The following LINGO2 variants were observed in gnomAD, a reference collection of about 807,000 sequenced individuals.
The protein encoded by LINGO2 is leucine-rich repeat and immunoglobulin-like domain-containing nogo receptor-interacting protein 2.
LINGO2 carries 14 observed loss-of-function variants against 30.6 expected under a neutral mutation model. That is an observed-to-expected ratio of 0.46 (90% CI 0.30 to 0.72). The LOEUF (loss-of-function observed/expected upper bound fraction) is 0.72. Ranked by LOEUF, LINGO2 falls within the 30% of genes least tolerant of loss-of-function variation. The pLI is 0.07. For synonymous variants in LINGO2, 317 were observed against 288.5 expected (o/e 1.10, Z -1.00); for missense variants, 729 against 751.7 (o/e 0.97, Z 0.35).
rs117420250 is a variant in LINGO2 at position 28,185,620 on chromosome 9, C to T, written c.-87+109588G>A. 3.7e-3 allele frequency among the ~76,000 whole-genome samples: 557 copies of T among 152,252 alleles called. 4 individuals are homozygous for T. The highest frequency in any genetic ancestry group is 6.1e-3 in the Non-Finnish European group (412 of 67,998). On this transcript the variant is annotated intron_variant, in intron 4 of 5. Transcript: ENST00000379992. ...TTCACTATTTGTATTCTTTAGAAAA[C>T]TGAAACACAATTGTAGAAATAGGAC...
At chr9:28,135,434 A>G (rs560166043) in intron 4 of LINGO2, among the ~76,000 whole-genome samples, 1 of 152,238 alleles carries the variant, frequency 6.6e-6, no homozygotes, top group East Asian at 1.9e-4. Flanking sequence ...ACTGACTCAG[A>G]CAACAGAAAT....
chr9:28,652,594 C>A (rs1473148087), intron 1 of LINGO2, among the ~76,000 whole-genome samples: 2 of 151,822 alleles, frequency 1.3e-5, no homozygotes, highest in Admixed American at 6.6e-5. Context: ...CAAAACCATA[C>A]CTTGTTGCTT....
chr9:28,288,098 C>T (rs971386879), intron 4 of LINGO2, among the ~76,000 whole-genome samples: 6 of 152,084 alleles, frequency 3.9e-5, no homozygotes, highest in African/African-American at 9.7e-5. Flanking sequence ...TCCCTACTTC[C>T]GCCCCACCCT....
At chr9:28,295,892 T>C (rs898553145) in intron 3 of LINGO2, among the ~76,000 whole-genome samples, 2 of 152,168 alleles carry the variant, frequency 1.3e-5, no homozygotes, top group African/African-American at 4.8e-5. Context: ...TAGGATAATG[T>C]GTGAGAAACA....
chr9:28,238,432 G>A (rs1404016256), intron 4 of LINGO2, among the ~76,000 whole-genome samples: 2 of 152,084 alleles, frequency 1.3e-5, no homozygotes, highest in Non-Finnish European at 2.9e-5. Flanking sequence ...AAAAGTTCAG[G>A]AAATTTCAGG....
Position 28,329,610 on chromosome 9 carries a change from A to T in LINGO2, c.-245-34244T>A, listed in dbSNP as rs1168845948. ...AGCATACACAAAAATTCTTTATATAATTGCACTTGCTATTCTCTCTGCCTG... is the reference window on the plus strand; with the variant it reads ...AGCATACACAAAAATTCTTTATATATTTGCACTTGCTATTCTCTCTGCCTG... On this transcript the variant is annotated intron_variant, in intron 3 of 5. Coordinates refer to ENST00000379992, the Ensembl canonical transcript of LINGO2. The surrounding 1 kb of genome is among the most constrained non-coding windows in gnomAD (Gnocchi z 4.5). Among the ~76,000 whole-genome samples, 1 of 152,068 alleles carries T rather than the reference A, an allele frequency of 6.6e-6. No homozygotes were observed. Among genetic ancestry groups the T allele is most frequent in the Non-Finnish European group, 1.5e-5 (1 of 68,004 alleles).
At chr9:27,964,628 C>T (rs1245065658) in intron 5 of LINGO2, among the ~76,000 whole-genome samples, 1 of 151,988 alleles carries the variant, frequency 6.6e-6, no homozygotes, top group Admixed American at 6.6e-5. Context: ...ATAATTTATT[C>T]AGGGGAGGTA....
chr9:28,720,520 C>T, the LINGO2 span, among the ~76,000 whole-genome samples: 1 of 151,976 alleles, frequency 6.6e-6, no homozygotes, highest in Non-Finnish European at 1.5e-5. Flanking sequence ...CCAGTTCTCC[C>T]ACACGGAATT....
intron 5 of LINGO2, among the ~76,000 whole-genome samples, chr9:27,958,702 T>C (rs1189098072): frequency 3.3e-5 from 5 of 152,148 alleles, no homozygotes; most frequent in Non-Finnish European, 7.4e-5. Flanking sequence ...ATAGTATTTG[T>C]AGGGTTTGGT....
At chr9:28,561,846 C>G (rs900896009) in intron 1 of LINGO2, among the ~76,000 whole-genome samples, 1 of 145,740 alleles carries the variant, frequency 6.9e-6, no homozygotes, top group African/African-American at 2.5e-5. Context: ...CTTCACACTC[C>G]TACAGACATA....
At chr9:28,261,466 T>C (rs984169478) in intron 4 of LINGO2, among the ~76,000 whole-genome samples, 9 of 151,932 alleles carry the variant, frequency 5.9e-5, no homozygotes, top group African/African-American at 2.2e-4. Flanking sequence ...CTTTGCTACA[T>C]AGGAGACTTT....
the LINGO2 span, among the ~76,000 whole-genome samples, chr9:28,948,864 T>A: frequency 6.6e-6 from 1 of 151,984 alleles, no homozygotes; most frequent in South Asian, 2.1e-4. Context: ...TGGATTTCTA[T>A]TTTTACGAAT....
chr9:28,400,133 A>T lies in LINGO2; in HGVS notation c.-278-27265T>A, dbSNP rs149990726. On this transcript the variant is annotated intron_variant, in intron 2 of 5. Transcript: ENST00000379992. ...AAGCAGACAGAGTGACTCTATTGTGACCCTTTGGCACCGGAAAGACCAGCC... is the reference window on the plus strand; with the variant it reads ...AAGCAGACAGAGTGACTCTATTGTGTCCCTTTGGCACCGGAAAGACCAGCC... Among the ~76,000 whole-genome samples, 71 of 152,210 alleles carry T rather than the reference A, an allele frequency of 4.7e-4. 1 individual carries two copies. The East Asian group carries it at 0.013, about 27-fold the overall frequency.
At chr9:28,984,976 C>G in the LINGO2 span, among the ~76,000 whole-genome samples, 1 of 152,038 alleles carries the variant, frequency 6.6e-6, no homozygotes, top group Non-Finnish European at 1.5e-5. Flanking sequence ...CCACCTTAGA[C>G]CTCCTGTCTA....
At chr9:28,037,895 T>G (rs1824013387) in intron 4 of LINGO2, among the ~76,000 whole-genome samples, 2 of 152,184 alleles carry the variant, frequency 1.3e-5, no homozygotes, top group South Asian at 4.1e-4. Context: ...CTGAAGTAAC[T>G]CATATACAGT....
intron 3 of LINGO2, among the ~76,000 whole-genome samples, chr9:28,355,253 CTG>C (rs1564145389): frequency 4.8e-5 from 1 of 20,900 alleles, no homozygotes; most frequent in Non-Finnish European, 1.1e-4. Context: ...GTCTCTCTCT[CTG>C]TCTCTGTCTC....
the LINGO2 span, among the ~76,000 whole-genome samples, chr9:29,033,183 T>C: frequency 6.6e-6 from 1 of 152,048 alleles, no homozygotes; most frequent in Admixed American, 6.6e-5. Flanking sequence ...GAACGATGTA[T>C]GCCAATATTT....
At chr9:28,265,157 T>C (rs1236808152) in intron 4 of LINGO2, among the ~76,000 whole-genome samples, 8 of 149,702 alleles carry the variant, frequency 5.3e-5, no homozygotes, top group Non-Finnish European at 7.4e-5. Flanking sequence ...TATGTGTATA[T>C]ACACAACAAC....
At chr9:29,109,016 A>AAT in the LINGO2 span, among the ~76,000 whole-genome samples, 1 of 152,188 alleles carries the variant, frequency 6.6e-6, no homozygotes, top group Non-Finnish European at 1.5e-5. Flanking sequence ...AATATATAGC[A>AAT]ATTTTCTATT....
Sources: gnomAD v4.1 joint callset for allele counts (sites outside exome capture counted in the v4.1 genomes callset) on GRCh38, gnomAD v4.1.1 for gene constraint, Gnocchi (gnomAD v3.1) non-coding constraint, MANE v1.5 for transcripts, NCBI Gene and HGNC (gene_info 2026-07-23, HGNC 2026-07-21) for gene names.